Variants in RGS6 observed in about 807,000 individuals in gnomAD.
The protein encoded by RGS6 is regulator of G-protein signaling 6.
Under a neutral mutation model 78.5 loss-of-function variants are expected in RGS6, and 30 were observed. The ratio of observed to expected loss-of-function variants is 0.38; its 90% confidence interval spans 0.29 to 0.52. The LOEUF (loss-of-function observed/expected upper bound fraction) is 0.52. Among genes scored for constraint, RGS6 ranks in the 20% least tolerant of loss-of-function variants. The pLI, the probability that RGS6 is intolerant of heterozygous loss-of-function variation, is 0.85. For synonymous variants in RGS6, 206 were observed against 206.0 expected (o/e 1.00, Z 0.00); for missense variants, 495 against 609.7 (o/e 0.81, Z 1.98).
At chr14:71,974,436 G>C (rs1337534760) in intron 2 of RGS6, among the ~76,000 whole-genome samples, 3 of 152,112 alleles carry the variant, frequency 2.0e-5, no homozygotes, top group African/African-American at 7.2e-5. Flanking sequence ...AAAGAATAGT[G>C]ATATCTTTCT....
intron 2 of RGS6, among the ~76,000 whole-genome samples, chr14:72,159,418 C>G (rs2096822302): frequency 1.3e-5 from 2 of 152,192 alleles, no homozygotes; most frequent in African/African-American, 4.8e-5. Flanking sequence ...GAGGCAAACG[C>G]TGGATGAGAA....
At position 72,250,256 on chromosome 14, in the gene RGS6, C is replaced by G. The variant is rs576580808; in HGVS notation, c.85-101839C>G. On this transcript the variant is annotated intron_variant, in intron 2 of 17. Coordinates refer to ENST00000553525, the MANE Select transcript of RGS6 (RefSeq NM_001204424.2). The stretch of plus-strand genomic sequence containing the variant: ...AAACTATAATAAAAAAAAAAAGTAA[C>G]TGTGTTTTCTTCTGTTTAATGATTG... Among the ~76,000 whole-genome samples, 4 of 151,218 alleles carry G rather than the reference C, an allele frequency of 2.6e-5. No homozygotes were observed. The East Asian group carries it at 7.8e-4, about 30-fold the overall frequency.
intron 2 of RGS6, among the ~76,000 whole-genome samples, chr14:71,992,258 C>T (rs1264472974): frequency 6.6e-6 from 1 of 152,170 alleles, no homozygotes; most frequent in Non-Finnish European, 1.5e-5. Flanking sequence ...GTCTTGAACT[C>T]CTGACCTCAA....
intron 13 of RGS6, among the ~76,000 whole-genome samples, chr14:72,501,760 G>T (rs1467993971): frequency 6.6e-6 from 1 of 152,170 alleles, no homozygotes; most frequent in Non-Finnish European, 1.5e-5. Context: ...TGCTCTCTCC[G>T]CATGACTTCA....
the RGS6 span, among the ~76,000 whole-genome samples, chr14:72,572,868 T>A: frequency 7.2e-6 from 1 of 138,166 alleles, no homozygotes; most frequent in African/African-American, 2.7e-5. Flanking sequence ...AAAGAGAAGG[T>A]AAGAGGGAAG....
At chr14:71,875,601 G>T in the RGS6 span, among the ~76,000 whole-genome samples, 1 of 152,068 alleles carries the variant, frequency 6.6e-6, no homozygotes, top group African/African-American at 2.4e-5. Context: ...ACCAGCTCCT[G>T]GATTCATTGA....
chr14:72,562,557 G>T lies in RGS6; in HGVS notation c.*90G>T. On this transcript the variant is annotated 3_prime_UTR_variant, in exon 18 of 18. Coordinates refer to ENST00000553525, the MANE Select transcript of RGS6 (RefSeq NM_001204424.2). ...ATCTGCGGACAGAGTTTCCTTACGA[G>T]GAGACTTGGTCACTGTGAAGGAGAA... 1.3e-6 allele frequency: 2 copies of T among 1,581,238 alleles called. No homozygotes were observed. Among genetic ancestry groups the T allele is most frequent in the East Asian group, 4.6e-5 (2 of 43,698 alleles).
chr14:72,280,076 C>A (rs764544327), intron 2 of RGS6, among the ~76,000 whole-genome samples: 2 of 152,046 alleles, frequency 1.3e-5, no homozygotes, highest in African/African-American at 2.4e-5. Context: ...TTATTGGAGG[C>A]AGGGGTTGTG....
intron 2 of RGS6, among the ~76,000 whole-genome samples, chr14:72,143,045 A>G (rs1377885298): frequency 2.6e-5 from 4 of 152,154 alleles, no homozygotes; most frequent in Non-Finnish European, 5.9e-5. Flanking sequence ...ATGGAAGTAC[A>G]TGAGGAAAAA....
intron 2 of RGS6, among the ~76,000 whole-genome samples, chr14:72,006,708 T>A (rs953398741): frequency 6.6e-6 from 1 of 152,210 alleles, no homozygotes; most frequent in African/African-American, 2.4e-5. Context: ...AGAAAATACG[T>A]GAAACAATAA....
intron 2 of RGS6, among the ~76,000 whole-genome samples, chr14:72,049,775 T>A (rs995335360): frequency 3.3e-5 from 5 of 152,238 alleles, no homozygotes; most frequent in Admixed American, 2.0e-4. Flanking sequence ...AAGCCTTCTG[T>A]TGACTCATCC....
chr14:72,476,717 C>A, intron 10 of RGS6, 25 bp from the exon 11 acceptor site: 1 of 1,606,312 alleles, frequency 6.2e-7, no homozygotes, highest in Non-Finnish European at 8.5e-7. Context: ...GGTGGATGAT[C>A]CTCTGTGCTT....
At chr14:71,878,979 C>A in the RGS6 span, among the ~76,000 whole-genome samples, 1 of 152,106 alleles carries the variant, frequency 6.6e-6, no homozygotes, top group Admixed American at 6.5e-5. Context: ...ACACACTGGG[C>A]AGATATGTTC....
chr14:72,405,577 G>A (rs537156880), intron 3 of RGS6, among the ~76,000 whole-genome samples: 4 of 152,178 alleles, frequency 2.6e-5, no homozygotes, highest in African/African-American at 4.8e-5. Context: ...ATTGTTGAGC[G>A]TTTAGACATG....
chr14:72,346,342 A>G (rs942781792), intron 2 of RGS6, among the ~76,000 whole-genome samples: 2 of 152,208 alleles, frequency 1.3e-5, no homozygotes, highest in Non-Finnish European at 2.9e-5. Context: ...TAGGAGTGTC[A>G]CGGGTCAAAG....
chr14:72,212,303 T>C (rs1048001561), intron 2 of RGS6, among the ~76,000 whole-genome samples: 1 of 152,204 alleles, frequency 6.6e-6, no homozygotes. Context: ...ATATGTTGTC[T>C]AATATTGATA....
intron 12 of RGS6, among the ~76,000 whole-genome samples, chr14:72,489,158 C>CA (rs1377165875): frequency 6.7e-6 from 1 of 148,264 alleles, no homozygotes; most frequent in African/African-American, 2.5e-5. Flanking sequence ...CAAAGGGGGC[C>CA]CCCCCACCGG....
At chr14:72,152,260 G>T (rs902871537) in intron 2 of RGS6, among the ~76,000 whole-genome samples, 1 of 151,992 alleles carries the variant, frequency 6.6e-6, no homozygotes, top group African/African-American at 2.4e-5. Flanking sequence ...GTGTGTGTGT[G>T]TGTGTGTGTG....
intron 3 of RGS6, among the ~76,000 whole-genome samples, chr14:72,417,129 C>G (rs981519542): frequency 6.6e-6 from 1 of 152,208 alleles, no homozygotes; most frequent in East Asian, 1.9e-4. Flanking sequence ...GAAGGGCAGA[C>G]ATGAAATTGT....
Sources: allele counts gnomAD v4.1 joint callset (sites outside exome capture counted in the v4.1 genomes callset), GRCh38; gene constraint gnomAD v4.1.1; transcripts MANE v1.5; gene names NCBI Gene and HGNC (gene_info 2026-07-23, HGNC 2026-07-21).